AK9: variants seen among roughly 807,000 people sequenced by gnomAD.
The protein encoded by AK9 is adenylate kinase 9.
Under a neutral mutation model 239.6 loss-of-function variants are expected in AK9, and 191 were observed. The ratio of observed to expected loss-of-function variants is 0.80; its 90% CI spans 0.71 to 0.90. The LOEUF is 0.90. AK9 is among the 40% of genes least tolerant of loss of function. The pLI is 0.00. For synonymous variants in AK9, 689 were observed against 721.0 expected (o/e 0.96, Z 0.71); for missense variants, 1,995 against 2,214.7 (o/e 0.90, Z 1.99).
At position 109,538,678 on chromosome 6, in the gene AK9, T is replaced by C. The variant is rs560106518; in HGVS notation, c.3350+3369A>G. ...ATTAGCTGGTTATTTTGCTCGTTAG[T>C]TGATGCAGTTTCTTCCTAGCATCAA... On this transcript the variant is annotated intron_variant, in intron 27 of 40. Transcript: ENST00000424296. Among the ~76,000 whole-genome samples the C allele has an allele frequency of 5.0e-3, 755 of 151,120 alleles. 10 individuals carry two copies. The highest frequency in any genetic ancestry group is 0.018 in the African/African-American group (714 of 40,404).
chr6:109,553,486 G>T (rs1207043999), intron 24 of AK9, among the ~76,000 whole-genome samples: 1 of 152,122 alleles, frequency 6.6e-6, no homozygotes, highest in African/African-American at 2.4e-5. Flanking sequence ...GTTCATTCAT[G>T]ATTTGGCTCT....
chr6:109,504,557 C>T, intron 35 of AK9, among the ~76,000 whole-genome samples: 1 of 152,060 alleles, frequency 6.6e-6, no homozygotes, highest in East Asian at 1.9e-4. Flanking sequence ...ACCTGTAATA[C>T]TAGCACTTTG....
chr6:109,504,590 C>T (rs918851897), intron 35 of AK9, among the ~76,000 whole-genome samples: 2 of 152,062 alleles, frequency 1.3e-5, no homozygotes, highest in Non-Finnish European at 2.9e-5. Context: ...GGGTGGATCA[C>T]CCGAGGTCGG....
intron 19 of AK9, among the ~76,000 whole-genome samples, chr6:109,580,589 A>G (rs996518585): frequency 1.3e-5 from 2 of 152,168 alleles, no homozygotes; most frequent in African/African-American, 4.8e-5. Context: ...TTATTTTCTC[A>G]TACTCCGCGT....
At chr6:109,572,874 T>A (rs1252793470) in intron 21 of AK9, among the ~76,000 whole-genome samples, 3 of 152,012 alleles carry the variant, frequency 2.0e-5, no homozygotes, top group African/African-American at 7.2e-5. Context: ...GTCCTTGGAG[T>A]GGTTTTCATT....
intron 35 of AK9, among the ~76,000 whole-genome samples, chr6:109,503,136 A>ATACTATAGTGGTACTATAATATGTAG (rs1282060628): frequency 1.1e-4 from 17 of 152,226 alleles, no homozygotes; most frequent in Middle Eastern, 6.9e-3. Context: ...CACTACTATG[A>ATACTATAGTGGTACTATAATATGTAG]TACTATAGTG....
At chr6:109,536,604 C>T (rs978539708) in intron 27 of AK9, among the ~76,000 whole-genome samples, 9 of 152,094 alleles carry the variant, frequency 5.9e-5, no homozygotes, top group Non-Finnish European at 1.0e-4. Context: ...TTTCTTTCTC[C>T]TGCCTGATTT....
chr6:109,609,478 T>C (rs1793312829), intron 17 of AK9, among the ~76,000 whole-genome samples: 2 of 152,230 alleles, frequency 1.3e-5, no homozygotes, highest in African/African-American at 4.8e-5. Context: ...TAACATGGTA[T>C]AGGGCAGATA....
rs1463266907 is a variant in AK9, at chr6:109,516,513, G to A, written c.3763C>T (p.Gln1255Ter). The change falls in exon 30 of 41, where the codon CAG becomes TAG. Residue 1255 changes from glutamine (Q) to a stop codon, truncating the protein, a stop_gained. Transcript: ENST00000424296. LOFTEE classifies it high-confidence loss of function. The part of the protein sequence containing the change: ...EEMSGEEDEE[Q>*]ETDAIERLRG... ...AGGCGCTCAATTGCATCAGTTTCCT[G>A]TTCTTCATCTTCCTCGCCACTCATC... 1.3e-6 allele frequency: 2 copies of A among 1,551,582 alleles called. No homozygotes were observed. Among genetic ancestry groups the A allele is most frequent in the Non-Finnish European group, 1.7e-6 (2 of 1,147,006 alleles).
At chr6:109,647,293 CA>C (rs1401859376) in intron 8 of AK9, among the ~76,000 whole-genome samples, 1 of 152,100 alleles carries the variant, frequency 6.6e-6, no homozygotes, top group African/African-American at 2.4e-5. Context: ...CACAGATTGG[CA>C]AATTGGATAA....
intron 20 of AK9, among the ~76,000 whole-genome samples, chr6:109,577,908 T>TTCTGTCTG (rs71018350): frequency 6.7e-6 from 1 of 148,626 alleles, no homozygotes; most frequent in African/African-American, 2.5e-5. Flanking sequence ...CTTTCTCTCT[T>TTCTGTCTG]TCTTTCTTTC....
rs1213297430 is a variant in AK9 at position 109,493,514 on chromosome 6, T to C, written c.5591A>G (p.Gln1864Arg). 8 of 1,614,032 alleles carry C rather than the reference T, an allele frequency of 5.0e-6. No individual in the cohort carries two copies. The Admixed American group carries it at 1.3e-4, about 27-fold the overall frequency. ...TATGAGTTCACAACTCTCCATAAACTGCTCCATCTTCTTCTTATACTTTTT... is the reference window on the plus strand; with the variant it reads ...TATGAGTTCACAACTCTCCATAAACCGCTCCATCTTCTTCTTATACTTTTT... ...TRKKYKKKME[Q>R]FMESCELITY... is the part of the protein sequence containing the mutation. Residue 1864 changes from glutamine (Q) to arginine (R), a missense_variant, in exon 41 of 41, where the codon CAG (glutamine) becomes CGG (arginine). Around this residue, in one of 5 missense-constraint regions of AK9, gnomAD observed 391 missense variants for 456.0 expected, o/e 0.86. Transcript: ENST00000424296.
intron 12 of AK9, among the ~76,000 whole-genome samples, chr6:109,630,051 T>G (rs968983262): frequency 1.3e-5 from 2 of 152,172 alleles, no homozygotes; most frequent in Non-Finnish European, 2.9e-5. Flanking sequence ...CTAAGAAGTA[T>G]GAAAGTACCA....
intron 1 of AK9, among the ~76,000 whole-genome samples, chr6:109,687,927 A>C (rs1773751014): frequency 6.6e-6 from 1 of 152,252 alleles, no homozygotes; most frequent in East Asian, 1.9e-4. Context: ...TGAAAAAACC[A>C]GGTGGACAGG....
chr6:109,669,935 G>T (rs1801830567), intron 5 of AK9, among the ~76,000 whole-genome samples: 1 of 152,168 alleles, frequency 6.6e-6, no homozygotes, highest in East Asian at 1.9e-4. Flanking sequence ...ACCAAATGGT[G>T]AGGGTGTGGC....
chr6:109,632,618 G>A, intron 12 of AK9: 7 of 410,674 alleles, frequency 1.7e-5, no homozygotes, highest in Non-Finnish European at 2.5e-5. Context: ...CCAGGGGACA[G>A]AAGATGAGTA....
chr6:109,563,046 A>G (rs1337864074), intron 24 of AK9, among the ~76,000 whole-genome samples: 1 of 152,236 alleles, frequency 6.6e-6, no homozygotes, highest in African/African-American at 2.4e-5. Flanking sequence ...GTTGTTTGAC[A>G]CATATATATT....
intron 19 of AK9, among the ~76,000 whole-genome samples, chr6:109,584,667 C>A (rs981481187): frequency 6.6e-6 from 1 of 152,042 alleles, no homozygotes; most frequent in Non-Finnish European, 1.5e-5. Context: ...CAATGTTAAA[C>A]CTGTCAAACA....
intron 12 of AK9, among the ~76,000 whole-genome samples, chr6:109,627,775 C>T (rs1230320781): frequency 6.6e-5 from 10 of 152,124 alleles, no homozygotes; most frequent in Admixed American, 6.5e-4. Flanking sequence ...GCCTCAGTCT[C>T]CCGAATAGCT....
Sources: gnomAD v4.1 joint callset for allele counts (sites outside exome capture counted in the v4.1 genomes callset) on GRCh38, gnomAD v4.1.1 for gene constraint, gnomAD v4.1.1 regional missense constraint, MANE v1.5 for transcripts, NCBI Gene and HGNC (gene_info 2026-07-23, HGNC 2026-07-21) for gene names.